Variants in EYS observed in about 807,000 individuals in gnomAD.
EYS encodes protein eyes shut homolog.
Under a neutral mutation model 282.1 loss-of-function variants are expected in EYS, and 250 were observed. The ratio of observed to expected loss-of-function variants is 0.89; its 90% confidence interval spans 0.80 to 0.98. The LOEUF is 0.98. EYS is among the 50% of genes least tolerant of loss of function. The pLI is 0.00. For missense variants in EYS, 4,016 were observed against 3,709.0 expected (o/e 1.08, Z -2.15); for synonymous variants, 1,355 against 1,282.9 (o/e 1.06, Z -1.20).
At chr6:64,962,528 G>A (rs1046039202) in intron 14 of EYS, among the ~76,000 whole-genome samples, 6 of 150,984 alleles carry the variant, frequency 4.0e-5, no homozygotes, top group African/African-American at 9.7e-5. Flanking sequence ...CCAGCAGTCC[G>A]AGACCAGTCT....
intron 5 of EYS, among the ~76,000 whole-genome samples, chr6:65,462,880 T>C (rs546225726): frequency 6.4e-4 from 98 of 152,280 alleles, no homozygotes; most frequent in African/African-American, 2.2e-3. Context: ...ATTTACATTT[T>C]ATTTGGCTGA....
intron 12 of EYS, among the ~76,000 whole-genome samples, chr6:65,141,512 T>G (rs1236842673): frequency 6.6e-6 from 1 of 151,704 alleles, no homozygotes; most frequent in African/African-American, 2.4e-5. Context: ...AAAACAAAAT[T>G]TCTAAATCTG....
chr6:65,654,860 A>G (rs1415461218), intron 1 of EYS, among the ~76,000 whole-genome samples: 1 of 151,614 alleles, frequency 6.6e-6, no homozygotes, highest in Non-Finnish European at 1.5e-5. Flanking sequence ...TTTACCATAT[A>G]CAACTATGGT....
At chr6:63,799,843 T>C (rs1229414461) in intron 37 of EYS, among the ~76,000 whole-genome samples, 1 of 152,186 alleles carries the variant, frequency 6.6e-6, no homozygotes, top group Non-Finnish European at 1.5e-5. Flanking sequence ...CAGAGAACAT[T>C]ACATGAATGA....
chr6:64,516,321 AG>A (rs1227053214), intron 26 of EYS, among the ~76,000 whole-genome samples: 1 of 151,724 alleles, frequency 6.6e-6, no homozygotes, highest in Non-Finnish European at 1.5e-5. Flanking sequence ...AAGGAGGGAG[AG>A]GACCAGGAAA....
intron 40 of EYS, among the ~76,000 whole-genome samples, chr6:63,776,197 G>C (rs1245542218): frequency 2.0e-5 from 3 of 152,010 alleles, no homozygotes; most frequent in African/African-American, 7.3e-5. Context: ...TTTCAATTTG[G>C]AGAAAATACA....
At chr6:65,555,054 T>C (rs1768746331) in intron 2 of EYS, among the ~76,000 whole-genome samples, 1 of 152,038 alleles carries the variant, frequency 6.6e-6, no homozygotes, top group South Asian at 2.1e-4. Context: ...TGTAATTATA[T>C]TCCAAAGACT....
intron 31 of EYS, among the ~76,000 whole-genome samples, chr6:64,228,133 C>T (rs1766305231): frequency 6.6e-6 from 1 of 152,062 alleles, no homozygotes; most frequent in South Asian, 2.1e-4. Flanking sequence ...AGTATGGATT[C>T]TAAGGCACAC....
chr6:65,296,532 A>G (rs1768670807), intron 11 of EYS, among the ~76,000 whole-genome samples: 1 of 151,732 alleles, frequency 6.6e-6, no homozygotes, highest in African/African-American at 2.4e-5. Flanking sequence ...ACAACTATAT[A>G]TATATACATA....
intron 11 of EYS, among the ~76,000 whole-genome samples, chr6:65,298,670 A>G (rs186828721): frequency 6.6e-6 from 1 of 151,676 alleles, no homozygotes; most frequent in Admixed American, 6.6e-5. Context: ...CTTATTGTTT[A>G]GCATTACCAT....
intron 1 of EYS, among the ~76,000 whole-genome samples, chr6:65,653,640 G>A (rs1320601020): frequency 6.6e-6 from 1 of 151,906 alleles, no homozygotes; most frequent in Non-Finnish European, 1.5e-5. Context: ...GCAACACCAT[G>A]TTGAACTGCA....
At chr6:65,171,036 A>C (rs1765092673) in intron 12 of EYS, among the ~76,000 whole-genome samples, 1 of 151,506 alleles carries the variant, frequency 6.6e-6, no homozygotes, top group South Asian at 2.1e-4. Context: ...ACAATGAATA[A>C]TTTACTCATA....
intron 12 of EYS, among the ~76,000 whole-genome samples, chr6:65,169,080 A>G (rs565026385): frequency 6.6e-6 from 1 of 151,608 alleles, no homozygotes; most frequent in East Asian, 2.0e-4. Context: ...TTTATGTACT[A>G]ATGTACTTGT....
At chr6:65,510,172 T>G (rs1300055254) in intron 2 of EYS, among the ~76,000 whole-genome samples, 1 of 51,860 alleles carries the variant, frequency 1.9e-5, no homozygotes, top group Non-Finnish European at 3.5e-5. Context: ...CCCTCCCCCC[T>G]CCCCCCACCC....
At chr6:64,627,773 C>A (rs1404253663) in intron 22 of EYS, among the ~76,000 whole-genome samples, 1 of 152,104 alleles carries the variant, frequency 6.6e-6, no homozygotes, top group Non-Finnish European at 1.5e-5. Flanking sequence ...CTTTCTTGAC[C>A]AACAAACAAT....
chr6:64,640,357 G>T (rs1241909153), intron 22 of EYS, among the ~76,000 whole-genome samples: 1 of 151,980 alleles, frequency 6.6e-6, no homozygotes, highest in Non-Finnish European at 1.5e-5. Flanking sequence ...AAGAAAATGT[G>T]GCACATATAC....
chr6:64,140,055 G>A (rs1228512766), intron 31 of EYS, among the ~76,000 whole-genome samples: 1 of 151,954 alleles, frequency 6.6e-6, no homozygotes, highest in Non-Finnish European at 1.5e-5. Flanking sequence ...TAAATAAAAG[G>A]CATTAGAAAC....
intron 1 of EYS, among the ~76,000 whole-genome samples, chr6:65,671,858 A>C (rs1455258596): frequency 6.6e-6 from 1 of 152,164 alleles, no homozygotes; most frequent in Admixed American, 6.6e-5. Flanking sequence ...TCTAATGTTC[A>C]GATTTGGAGG....
chr6:65,429,380 C>CCAAAA (rs1400291831), intron 5 of EYS, among the ~76,000 whole-genome samples: 2 of 152,012 alleles, frequency 1.3e-5, no homozygotes, highest in Non-Finnish European at 2.9e-5. Context: ...AAAATTGAAA[C>CCAAAA]CAAAACAAAA....
Sources: gnomAD v4.1 joint callset for allele counts (sites outside exome capture counted in the v4.1 genomes callset) on GRCh38, gnomAD v4.1.1 for gene constraint, MANE v1.5 for transcripts, NCBI Gene and HGNC (gene_info 2026-07-23, HGNC 2026-07-21) for gene names.